The following PPFIA2 variants were observed in gnomAD, a reference collection of about 807,000 sequenced individuals.
PPFIA2 encodes the protein liprin-alpha-2.
A neutral mutation model predicts 175.5 loss-of-function variants in PPFIA2; 46 were observed. The ratio of observed to expected loss-of-function variants is 0.26; its 90% CI spans 0.21 to 0.34. The LOEUF is 0.34. PPFIA2 is among the 10% of genes least tolerant of loss of function. The pLI is 1.00. For synonymous variants in PPFIA2, 568 were observed against 511.4 expected (o/e 1.11, Z -1.49); for missense variants, 1,179 against 1,506.1 (o/e 0.78, Z 3.60).
At position 81,491,564 on chromosome 12, in the gene PPFIA2, G is replaced by A. The variant is rs577708778; in HGVS notation, c.304-33698C>T. Among the ~76,000 whole-genome samples the A allele has an allele frequency of 2.8e-4, 43 of 151,916 alleles. 1 individual carries two copies. In the South Asian group the frequency reaches 8.7e-3, roughly 31 times the overall value. On this transcript the variant is annotated intron_variant, in intron 4 of 32. Transcript: ENST00000549396. ...TACTGTTAGATAAATCCATGAGGGTGGAGCCCTCATGATGAAAAGAGGAGA... is the reference window on the plus strand; with the variant it reads ...TACTGTTAGATAAATCCATGAGGGTAGAGCCCTCATGATGAAAAGAGGAGA...
intron 3 of PPFIA2, among the ~76,000 whole-genome samples, chr12:81,748,983 A>G (rs1290621765): frequency 6.9e-6 from 1 of 143,970 alleles, no homozygotes; most frequent in African/African-American, 2.4e-5. Context: ...TTTTTTCATT[A>G]TTGATTGCTA....
At chr12:81,492,518 T>C (rs138691399) in intron 4 of PPFIA2, among the ~76,000 whole-genome samples, 7 of 151,752 alleles carry the variant, frequency 4.6e-5, no homozygotes, top group African/African-American at 1.2e-4. Context: ...GCAATCTAGA[T>C]AGAGATGGCA....
chr12:81,669,068 T>G (rs978864856), intron 4 of PPFIA2, among the ~76,000 whole-genome samples: 11 of 152,010 alleles, frequency 7.2e-5, no homozygotes, highest in Non-Finnish European at 1.6e-4. Flanking sequence ...TGTTAAACAA[T>G]GTAACTAAGA....
At chr12:81,462,570 G>GTATATATATATATATATATA (rs1254816940) in intron 4 of PPFIA2, among the ~76,000 whole-genome samples, 1 of 74,176 alleles carries the variant, frequency 1.3e-5, no homozygotes, top group African/African-American at 5.5e-5. Context: ...ATATATATGT[G>GTATATATATATATATATATA]TATATATATA....
chr12:81,537,630 A>G (rs1386579804), intron 4 of PPFIA2, among the ~76,000 whole-genome samples: 1 of 151,868 alleles, frequency 6.6e-6, no homozygotes, highest in African/African-American at 2.4e-5. Flanking sequence ...TGTTCTCTAC[A>G]GACCACGTAT....
chr12:81,373,334 C>T (rs999445599), intron 11 of PPFIA2, among the ~76,000 whole-genome samples: 28 of 151,668 alleles, frequency 1.8e-4, no homozygotes, highest in Admixed American at 1.7e-3. Context: ...GATGAAAGGC[C>T]TAATTATGCA....
At chr12:81,608,259 C>G (rs1004687604) in intron 4 of PPFIA2, among the ~76,000 whole-genome samples, 2 of 151,720 alleles carry the variant, frequency 1.3e-5, no homozygotes, top group Non-Finnish European at 2.9e-5. Flanking sequence ...AGTTTTATTT[C>G]TTTGTTGTGT....
intron 26 of PPFIA2, among the ~76,000 whole-genome samples, chr12:81,281,961 T>C (rs928617214): frequency 5.3e-5 from 8 of 152,052 alleles, no homozygotes; most frequent in Non-Finnish European, 1.0e-4. Flanking sequence ...ATGGACATTG[T>C]TGTTACTTAG....
In PPFIA2 at chr12:81,365,644, T is replaced by C. The variant is rs147301280; in HGVS notation, c.1545+1464A>G. The stretch of plus-strand genomic sequence containing the variant: ...ATCAAATCAATCATCTTGATTTTCT[T>C]TGTGCCGTTGCAGAGGATTCATCCT... On this transcript the variant is annotated intron_variant, in intron 14 of 32. Transcript: ENST00000549396. Among the ~76,000 whole-genome samples the C allele has an allele frequency of 2.1e-3, 326 of 151,842 alleles. 1 individual carries two copies. The highest frequency in any genetic ancestry group is 7.5e-3 in the African/African-American group (312 of 41,474).
chr12:81,408,638 A>G (rs550541689), intron 7 of PPFIA2, among the ~76,000 whole-genome samples: 1 of 152,316 alleles, frequency 6.6e-6, no homozygotes, highest in East Asian at 1.9e-4. Context: ...ATTCATTCAG[A>G]AAAAAGTACA....
intron 4 of PPFIA2, chr12:81,472,656 G>A (rs1381698322): frequency 6.6e-6 from 1 of 152,098 alleles, no homozygotes; most frequent in Non-Finnish European, 1.5e-5. Flanking sequence ...TATGCTTGTG[G>A]ACACTTAATT....
intron 4 of PPFIA2, among the ~76,000 whole-genome samples, chr12:81,646,274 A>T (rs772004967): frequency 2.6e-5 from 4 of 152,170 alleles, no homozygotes; most frequent in African/African-American, 7.2e-5. Flanking sequence ...ACACCCAATC[A>T]TTCAAGGCAG....
intron 7 of PPFIA2, among the ~76,000 whole-genome samples, chr12:81,418,482 G>A (rs903550469): frequency 2.6e-5 from 4 of 151,838 alleles, no homozygotes; most frequent in Non-Finnish European, 5.9e-5. Flanking sequence ...GAATAATATT[G>A]TGTAAATTAT....
chr12:81,362,702 G>A lies in PPFIA2; in HGVS notation c.1628C>T (p.Thr543Ile). Reference protein sequence around the residue: ...KMRTGSLIEPTIPRTHLDTSA... With the variant: ...KMRTGSLIEPIIPRTHLDTSA... ...TTTAGTTTAATGTTACCTTGGTATT[G>A]TGGGTTCAATTAAAGAGCCAGTTCT... Residue 543 changes from threonine to isoleucine, a missense_variant, in exon 15 of 33, where the codon ACA (threonine) becomes ATA (isoleucine). Around this residue, in one of 10 missense-constraint regions of PPFIA2, gnomAD observed 186 missense variants for 163.6 expected, o/e 1.14. Coordinates refer to ENST00000549396, the MANE Select transcript of PPFIA2 (RefSeq NM_003625.5). The A allele has an allele frequency of 6.5e-7, 1 of 1,542,408 alleles. No individual in the cohort carries two copies. The highest frequency in any genetic ancestry group is 8.8e-7 in the Non-Finnish European group (1 of 1,139,480).
At chr12:81,399,412 T>C (rs1195521758) in intron 8 of PPFIA2, among the ~76,000 whole-genome samples, 2 of 152,134 alleles carry the variant, frequency 1.3e-5, no homozygotes, top group Non-Finnish European at 2.9e-5. Flanking sequence ...TAACAAGGTC[T>C]TAGTTAACAC....
At chr12:81,542,003 C>A (rs537324027) in intron 4 of PPFIA2, among the ~76,000 whole-genome samples, 1 of 151,094 alleles carries the variant, frequency 6.6e-6, no homozygotes, top group African/African-American at 2.4e-5. Flanking sequence ...AGATGGATAC[C>A]GCAGTGAGCT....
chr12:81,347,451 A>T, intron 18 of PPFIA2, 82 bp downstream of exon 18: 1 of 1,172,840 alleles, frequency 8.5e-7, no homozygotes, highest in Non-Finnish European at 1.3e-6. Flanking sequence ...TACTTAGACT[A>T]GAACAAACAC....
intron 4 of PPFIA2, among the ~76,000 whole-genome samples, chr12:81,595,330 G>C (rs1014560862): frequency 9.2e-5 from 14 of 151,624 alleles, no homozygotes; most frequent in Non-Finnish European, 7.4e-5. Flanking sequence ...CCTACAAATT[G>C]ACACTTCTAA....
chr12:81,300,501 T>C (rs747595067), intron 22 of PPFIA2, among the ~76,000 whole-genome samples: 46 of 152,304 alleles, frequency 3.0e-4, no homozygotes, highest in Non-Finnish European at 5.1e-4. Context: ...CACAGAGTTT[T>C]CTGTGTTTGT....
Sources: allele counts gnomAD v4.1 joint callset (sites outside exome capture counted in the v4.1 genomes callset), GRCh38; gene constraint gnomAD v4.1.1; regional missense constraint gnomAD v4.1.1; transcripts MANE v1.5; gene names NCBI Gene and HGNC (gene_info 2026-07-23, HGNC 2026-07-21).